Variants in NR2C2 observed in about 807,000 individuals in gnomAD.
The protein encoded by NR2C2 is Nuclear hormone receptor TR4.
NR2C2 carries 6 observed loss-of-function variants against 62.9 expected under a neutral mutation model. The ratio of observed to expected loss-of-function variants is 0.10; its 90% CI spans 0.05 to 0.19. NR2C2 has a LOEUF of 0.19. NR2C2 is among the 10% of genes least tolerant of loss of function. The pLI is 1.00. For missense variants in NR2C2, 479 were observed against 762.7 expected, an observed-to-expected ratio of 0.63 and a Z score of 4.38; for synonymous variants, 272 against 273.8, an observed-to-expected ratio of 0.99 and a Z score of 0.07.
At chr3:15,003,820 C>T (rs2041089277) in intron 1 of NR2C2, 56 bp from the exon 2 acceptor site, 2 of 1,181,876 alleles carry the variant, frequency 1.7e-6, no homozygotes, top group South Asian at 2.5e-5. Flanking sequence ...GTCTTCAGGC[C>T]ACCTCTGGGC....
chr3:15,034,482 A>C, intron 10 of NR2C2, 188 bp from the exon 11 acceptor site: 2 of 512,750 alleles, frequency 3.9e-6, no homozygotes, highest in Middle Eastern at 5.6e-4. Context: ...GAAGGATTTT[A>C]GTTAAAACAT....
intron 2 of NR2C2, among the ~76,000 whole-genome samples, chr3:15,010,526 C>A (rs1010757408): frequency 1.3e-5 from 2 of 151,322 alleles, no homozygotes; most frequent in African/African-American, 4.9e-5. Flanking sequence ...CCAGCTTGGG[C>A]AAAATAGTAA....
chr3:15,024,665 T>C (rs1051640120), intron 7 of NR2C2, among the ~76,000 whole-genome samples: 1 of 152,184 alleles, frequency 6.6e-6, no homozygotes, highest in African/African-American at 2.4e-5. Flanking sequence ...ATTTAACTTG[T>C]GGACAGAGAT....
rs539176279 is a variant in NR2C2 at position 15,044,773 on chromosome 3, G to A, written c.*1765G>A. 4 of 152,350 alleles carry A rather than the reference G, an allele frequency of 2.6e-5. No homozygotes were observed. The highest frequency in any genetic ancestry group is 5.9e-5 in the Non-Finnish European group (4 of 68,052). 9.4% of individuals were successfully genotyped at this position (152,350 alleles called of 1,614,324 possible). A position where few individuals can be genotyped will look rare whatever the true frequency, so the allele number is the denominator to read the frequency against. On this transcript the variant is annotated 3_prime_UTR_variant, in exon 14 of 14. Coordinates refer to ENST00000425241, the MANE Select transcript of NR2C2 (RefSeq NM_001291694.2). The stretch of plus-strand genomic sequence containing the variant: ...TCTGGCCAGCTACAGACGCCCCTGT[G>A]GTGCCACATTGGACAGAATGGAAGC...
At chr3:15,037,389 G>C (rs2042135322) in intron 11 of NR2C2, among the ~76,000 whole-genome samples, 1 of 152,042 alleles carries the variant, frequency 6.6e-6, no homozygotes, top group African/African-American at 2.4e-5. Flanking sequence ...ATTTTTAACT[G>C]AGTATAATAC....
In NR2C2 at chr3:15,038,076, G is replaced by A. The variant is rs2230443; in HGVS notation, c.1449G>A (p.Ala483=). ...WKLQEFCNSM[A]KLDIDGYEYA... is the part of the protein sequence containing the mutation. Reference sequence around the variant, plus strand: ...TGCAGGAGTTCTGTAACAGCATGGCGAAGCTGGATATAGATGGCTATGAGT... The same window carrying A: ...TGCAGGAGTTCTGTAACAGCATGGCAAAGCTGGATATAGATGGCTATGAGT... The change falls in exon 12 of 14, where the codon GCG becomes GCA. Residue 483 remains alanine (A), a synonymous_variant. Coordinates refer to ENST00000425241, the MANE Select transcript of NR2C2 (RefSeq NM_001291694.2). 12,832 of 1,614,008 alleles carry A rather than the reference G, an allele frequency of 8.0e-3. 843 individuals are homozygous for A. In the African/African-American group the frequency reaches 0.15, roughly 18 times the overall value.
At position 14,947,601 on chromosome 3, in the gene NR2C2, T is replaced by C; in HGVS notation, c.-345T>C. 6.5e-6 allele frequency: 1 copy of C among 153,516 alleles called. No homozygotes were observed. Among genetic ancestry groups the C allele is most frequent in the Non-Finnish European group, 1.4e-5 (1 of 69,550 alleles). The allele number at this position is 153,516 out of a possible 1,614,324, so 9.5% of individuals were successfully genotyped here. The stretch of plus-strand genomic sequence containing the variant: ...GGAAGAAGAACATTCGCCCTCCTCC[T>C]ACCAGCGCGCGGGCGGCGGCGGCGG... On this transcript the variant is annotated 5_prime_UTR_variant, in exon 1 of 14. Transcript: ENST00000425241.
At chr3:14,998,507 C>G (rs2124894666) in intron 1 of NR2C2, among the ~76,000 whole-genome samples, 1 of 152,322 alleles carries the variant, frequency 6.6e-6, no homozygotes, top group Non-Finnish European at 1.5e-5. Context: ...TTGCATTTCC[C>G]TAACTAATGA....
At chr3:14,971,810 C>CT (rs533448715) in intron 1 of NR2C2, among the ~76,000 whole-genome samples, 19,965 of 135,386 alleles carry the variant, frequency 0.15, 1,758 homozygotes, top group Admixed American at 0.2. Context: ...TTTCTTTTTT[C>CT]TTTTTTTTTT....
At chr3:14,990,506 A>G (rs2040639109) in intron 1 of NR2C2, among the ~76,000 whole-genome samples, 1 of 152,214 alleles carries the variant, frequency 6.6e-6, no homozygotes, top group African/African-American at 2.4e-5. Context: ...TGGGTCACAG[A>G]GAGGGCATCT....
Position 15,047,007 on chromosome 3 carries a change from C to T in NR2C2, c.*3999C>T, listed in dbSNP as rs1466291944. 1 of 152,712 alleles carries T rather than the reference C, an allele frequency of 6.5e-6. No homozygotes were observed. Among genetic ancestry groups the T allele is most frequent in the Non-Finnish European group, 1.5e-5 (1 of 68,078 alleles). 9.5% of individuals were successfully genotyped at this position (152,712 alleles called of 1,614,324 possible). A position where few individuals can be genotyped will look rare whatever the true frequency, so the allele number is the denominator to read the frequency against. ...TCGTATGTCCAGCCCTGGGTCCCTT[C>T]AGCAGCATTGTGCGTGTACAGGTTT... is the stretch of plus-strand genomic sequence containing the variant. On this transcript the variant is annotated 3_prime_UTR_variant, in exon 14 of 14. Transcript: ENST00000425241.
At chr3:14,988,987 T>C (rs1181870151) in intron 1 of NR2C2, among the ~76,000 whole-genome samples, 1 of 152,224 alleles carries the variant, frequency 6.6e-6, no homozygotes, top group East Asian at 1.9e-4. Flanking sequence ...ATATCCGTAA[T>C]ACCTCTTTTC....
intron 8 of NR2C2, among the ~76,000 whole-genome samples, chr3:15,029,898 A>AAAGG (rs72500408): frequency 1.1e-4 from 16 of 152,118 alleles, no homozygotes; most frequent in Non-Finnish European, 1.5e-4. Context: ...GACAAAGAGA[A>AAAGG]AAGGAAGGAA....
At chr3:15,029,488 A>G (rs907453228) in intron 8 of NR2C2, among the ~76,000 whole-genome samples, 1 of 152,180 alleles carries the variant, frequency 6.6e-6, no homozygotes, top group South Asian at 2.1e-4. Context: ...GTGGTCTGAT[A>G]ACAAATAAGA....
chr3:14,955,017 G>C lies in NR2C2; in HGVS notation c.-40+7111G>C, dbSNP rs545369170. On this transcript the variant is annotated intron_variant, in intron 1 of 13. Coordinates refer to ENST00000425241, the MANE Select transcript of NR2C2 (RefSeq NM_001291694.2). ...AGCTAATTTTTTGTATTTTAGTAGA[G>C]ACAGGTTTTCACCATGTTGCCCAGG... is the stretch of plus-strand genomic sequence containing the variant. Among the ~76,000 whole-genome samples, 4 of 152,184 alleles carry C rather than the reference G, an allele frequency of 2.6e-5. No individual in the cohort carries two copies. The East Asian group carries it at 7.7e-4, about 29-fold the overall frequency.
chr3:14,962,870 CATT>C (rs2039727997), intron 1 of NR2C2, among the ~76,000 whole-genome samples: 1 of 152,120 alleles, frequency 6.6e-6, no homozygotes, highest in African/African-American at 2.4e-5. Context: ...ATTCAGCAGT[CATT>C]GACCATTTGC....
chr3:15,035,008 T>G (rs2042069899), intron 11 of NR2C2, among the ~76,000 whole-genome samples, 199 bp downstream of exon 11: 1 of 152,180 alleles, frequency 6.6e-6, no homozygotes, highest in Non-Finnish European at 1.5e-5. Flanking sequence ...TATGGAGCCT[T>G]TGGGCTGGGC....
intron 8 of NR2C2, among the ~76,000 whole-genome samples, 156 bp from the exon 9 acceptor site, chr3:15,030,119 G>A (rs2041941244): frequency 6.6e-6 from 1 of 152,150 alleles, no homozygotes; most frequent in Non-Finnish European, 1.5e-5. Flanking sequence ...GCAGTCAATA[G>A]TTTGAGACCA....
chr3:14,955,574 G>A (rs77523062), intron 1 of NR2C2, among the ~76,000 whole-genome samples: 1,664 of 152,238 alleles, frequency 0.011, 30 homozygotes, highest in African/African-American at 0.037. Context: ...GTAGCTGGAT[G>A]ATTTGAAACG....
Sources: allele counts gnomAD v4.1 joint callset (sites outside exome capture counted in the v4.1 genomes callset), GRCh38; gene constraint gnomAD v4.1.1; transcripts MANE v1.5; gene names NCBI Gene and HGNC (gene_info 2026-07-23, HGNC 2026-07-21).